Variants in SLC39A13 observed in about 807,000 individuals in gnomAD.
The protein encoded by SLC39A13 is solute carrier family 39 member 13, also known as zinc transporter ZIP13.
Under a neutral mutation model 38.7 loss-of-function variants are expected in SLC39A13, and 18 were observed. The observed-to-expected ratio is 0.47, with a 90% CI of 0.32 to 0.69. SLC39A13 has a LOEUF of 0.69. Ranked by LOEUF, SLC39A13 falls within the 30% of genes least tolerant of loss-of-function variation. The pLI, the probability that SLC39A13 is intolerant of heterozygous loss-of-function variation, is 0.03. For synonymous variants in SLC39A13, 212 were observed against 219.1 expected (o/e 0.97, Z 0.29); for missense variants, 395 against 490.7 (o/e 0.80, Z 1.84).
upstream of SLC39A13, among the ~76,000 whole-genome samples, chr11:47,408,361 C>A (rs1037093325): frequency 6.6e-6 from 1 of 152,094 alleles, no homozygotes; most frequent in Non-Finnish European, 1.5e-5. Context: ...GCGTGTGGCT[C>A]TCTCACTTCC....
intron 1 of SLC39A13, 131 bp from the exon 2 acceptor site, chr11:47,409,956 A>T: frequency 9.4e-7 from 1 of 1,064,128 alleles, no homozygotes; most frequent in Non-Finnish European, 1.4e-6. Flanking sequence ...TTGGATGCTC[A>T]GACGCTCTGG....
chr11:47,411,067 C>T (rs2095996698), intron 2 of SLC39A13, among the ~76,000 whole-genome samples: 1 of 152,166 alleles, frequency 6.6e-6, no homozygotes, highest in Non-Finnish European at 1.5e-5. Flanking sequence ...GTTCTTTGAC[C>T]AGTCCAAGGT....
upstream of SLC39A13, among the ~76,000 whole-genome samples, chr11:47,408,212 G>A (rs2095979019): frequency 6.6e-6 from 1 of 152,230 alleles, no homozygotes; most frequent in Admixed American, 6.5e-5. Flanking sequence ...TGGCGGCCGG[G>A]CGCGCCCCCG....
At position 47,415,824 on chromosome 11, in the gene SLC39A13, T is replaced by TG. The variant is rs747942670; in HGVS notation, c.*465dup. 2.5e-4 allele frequency: 62 copies of TG among 252,514 alleles called. No homozygotes were observed. The highest frequency in any genetic ancestry group is 3.8e-4 in the Non-Finnish European group (48 of 127,322). The allele number at this position is 252,514 out of a possible 1,614,324, so 15.6% of individuals were successfully genotyped here. A position where few individuals can be genotyped will look rare whatever the true frequency, so the allele number is the denominator to read the frequency against. On this transcript the variant is annotated 3_prime_UTR_variant, in exon 10 of 10. Transcript: ENST00000362021. ...CCCCAGGCGGCCTAGGGGCCAAGGC[T>TG]GGGGCGGCTTTGGTCCCTTTTCCTG...
At position 47,415,381 on chromosome 11, in the gene SLC39A13, GCCCCTGC is replaced by G; in HGVS notation, c.*26_*32del. 6.2e-7 allele frequency: 1 copy of G among 1,613,284 alleles called. No individual in the cohort carries two copies. On this transcript the variant is annotated 3_prime_UTR_variant, in exon 10 of 10. Transcript: ENST00000362021. ...TGGATTAACTTTCCCTGATGCCGACGCCCCTGCCCCCTGCAGCAATAAGATGCTCGGA... is the reference window on the plus strand; with the variant it reads ...TGGATTAACTTTCCCTGATGCCGACGCCCCTGCAGCAATAAGATGCTCGGA...
intron 6 of SLC39A13, 82 bp downstream of exon 6, chr11:47,413,768 C>T: frequency 6.8e-7 from 1 of 1,467,866 alleles, no homozygotes; most frequent in African/African-American, 1.4e-5. Context: ...GTCTCTGCTT[C>T]TTGCCCCTCC....
In SLC39A13 at chr11:47,414,494, G is replaced by GC; in HGVS notation, c.786+24dup. The GC allele has an allele frequency of 6.2e-7, 1 of 1,610,176 alleles. No homozygotes were observed. Reference sequence around the variant, plus strand: ...CCATGAGGTGAGCGCTTGTAGGGCAGCCCCCAGGGGCCCAGGCCCCCACAG... The same window carrying GC: ...CCATGAGGTGAGCGCTTGTAGGGCAGCCCCCCAGGGGCCCAGGCCCCCACAG... On this transcript the variant is annotated intron_variant, in intron 7 of 9. Coordinates refer to ENST00000362021, the MANE Select transcript of SLC39A13 (RefSeq NM_001128225.3).
rs765224255 is a variant in SLC39A13, at chr11:47,415,501, G to A, written c.*138G>A. ...CTCCCGCCAGACAGGAGGGAGGTGC[G>A]TGTGGATGTATGTGGTGTGCACATG... On this transcript the variant is annotated 3_prime_UTR_variant, in exon 10 of 10. Transcript: ENST00000362021. 1.5e-4 allele frequency: 143 copies of A among 948,392 alleles called. 1 individual carries two copies. Among genetic ancestry groups the A allele is most frequent in the Non-Finnish European group, 2.1e-4 (124 of 601,208 alleles). 58.7% of individuals were successfully genotyped at this position (948,392 alleles called of 1,614,324 possible).
chr11:47,415,387 GC>G lies in SLC39A13; in HGVS notation c.*29del, dbSNP rs1565669527. On this transcript the variant is annotated 3_prime_UTR_variant, in exon 10 of 10. Coordinates refer to ENST00000362021, the MANE Select transcript of SLC39A13 (RefSeq NM_001128225.3). ...AACTTTCCCTGATGCCGACGCCCCTGCCCCCTGCAGCAATAAGATGCTCGGA... is the reference window on the plus strand; with the variant it reads ...AACTTTCCCTGATGCCGACGCCCCTGCCCCTGCAGCAATAAGATGCTCGGA... 6.2e-7 allele frequency: 1 copy of G among 1,612,244 alleles called. No homozygotes were observed. The highest frequency in any genetic ancestry group is 8.5e-7 in the Non-Finnish European group (1 of 1,178,802).
chr11:47,410,714 G>A (rs2095994762), intron 2 of SLC39A13, among the ~76,000 whole-genome samples: 1 of 152,134 alleles, frequency 6.6e-6, no homozygotes, highest in Admixed American at 6.5e-5. Flanking sequence ...ATAACATGTT[G>A]TAACAAAACA....
chr11:47,414,083 G>A lies in SLC39A13; in HGVS notation c.736-342G>A, dbSNP rs546207722. On this transcript the variant is annotated intron_variant, in intron 6 of 9. Transcript: ENST00000362021. ...CCCGCCCACGCTTCGAGCGGCTGAC[G>A]ACTCATCCTTGGGGCCTCGACTTAC... The A allele has an allele frequency of 2.5e-4, 154 of 611,070 alleles. 1 individual carries two copies. Among genetic ancestry groups the A allele is most frequent in the South Asian group, 1.8e-3 (90 of 51,150 alleles). 37.9% of individuals were successfully genotyped at this position (611,070 alleles called of 1,614,324 possible). A position where few individuals can be genotyped will look rare whatever the true frequency, so the allele number is the denominator to read the frequency against.
At chr11:47,413,898 T>C (rs1385272657) in intron 6 of SLC39A13, 3 of 720,052 alleles carry the variant, frequency 4.2e-6, no homozygotes, top group Non-Finnish European at 5.0e-6. Context: ...CCTTGTTGGG[T>C]GCCTCTGTCA....
chr11:47,415,213 CA>C, intron 9 of SLC39A13, 54 bp downstream of exon 9: 4 of 1,613,052 alleles, frequency 2.5e-6, no homozygotes, highest in Non-Finnish European at 3.4e-6. Context: ...CTTAGGGGCT[CA>C]GGAGGGAAGG....
intron 7 of SLC39A13, 84 bp from the exon 8 acceptor site, chr11:47,414,693 G>A (rs2096016891): frequency 6.3e-7 from 1 of 1,589,994 alleles, no homozygotes; most frequent in South Asian, 1.1e-5. Context: ...GAAGGGCAGG[G>A]GGCTCAGTGT....
At chr11:47,413,347 T>G in intron 4 of SLC39A13, 53 bp from the exon 5 acceptor site, 3 of 1,564,614 alleles carry the variant, frequency 1.9e-6, no homozygotes, top group Non-Finnish European at 2.6e-6. Context: ...CTGTCTGCCC[T>G]GGCTGAGTGG....
At position 47,415,354 on chromosome 11, in the gene SLC39A13, C is replaced by A; in HGVS notation, c.1107C>A (p.Phe369Leu). The change falls in exon 10 of 10, where the codon TTC becomes TTA. Residue 369 changes from phenylalanine to leucine, a missense_variant. Transcript: ENST00000362021. ...GIVVMVLFSL[F>L]VD ...TGGTAATGGTGCTGTTCTCGCTCTT[C>A]GTGGATTAACTTTCCCTGATGCCGA... is the stretch of plus-strand genomic sequence containing the variant. 1.2e-6 allele frequency: 2 copies of A among 1,614,060 alleles called. No homozygotes were observed. Among genetic ancestry groups the A allele is most frequent in the Non-Finnish European group, 8.5e-7 (1 of 1,180,014 alleles).
chr11:47,414,863 A>T lies in SLC39A13; in HGVS notation c.873A>T (p.Leu291=). ...AACTCTCAACAGCGCTGGGGGGCCT[A>T]CTGGGCGCTGGCTTCGCCATCTGTA... is the stretch of plus-strand genomic sequence containing the variant. The part of the protein sequence containing the change: ...KLQLSTALGG[L]LGAGFAICTQ... Residue 291 remains leucine, a synonymous_variant, in exon 8 of 10, where the codon CTA becomes CTT. Transcript: ENST00000362021. 2 of 1,612,658 alleles carry T rather than the reference A, an allele frequency of 1.2e-6. No homozygotes were observed.
At position 47,415,577 on chromosome 11, in the gene SLC39A13, CG is replaced by C; in HGVS notation, c.*218del. On this transcript the variant is annotated 3_prime_UTR_variant, in exon 10 of 10. Transcript: ENST00000362021. ...GACACTGTGATCCCTGTGCTGGGTC[CG>C]GGGCCCAGTGTAGCGCCTGTCCCCA... The C allele has an allele frequency of 1.5e-6, 1 of 660,648 alleles. No individual in the cohort carries two copies. The highest frequency in any genetic ancestry group is 2.7e-6 in the Non-Finnish European group (1 of 365,980). 40.9% of individuals were successfully genotyped at this position (660,648 alleles called of 1,614,324 possible). A position where few individuals can be genotyped will look rare whatever the true frequency, so the allele number is the denominator to read the frequency against.
Position 47,415,290 on chromosome 11 carries a change from G to A in SLC39A13, c.1043G>A (p.Arg348His), listed in dbSNP as rs770908923. 8.9e-5 allele frequency: 144 copies of A among 1,613,868 alleles called. 1 individual carries two copies. The highest frequency in any genetic ancestry group is 3.8e-4 in the East Asian group (17 of 44,880). Residue 348 changes from arginine (R) to histidine (H), a missense_variant and splice_region_variant, in exon 10 of 10, where the codon CGC becomes CAC. By Grantham distance (29) the Arg-to-His change is conservative. Transcript: ENST00000362021. The stretch of plus-strand genomic sequence containing the variant: ...CGTGAGCCGTTCCCTCCCCACAGGC[G>A]CTCCCTGCAGCAGCTGCTTCTGCTC... ...PDLLEEEDPW[R>H]SLQQLLLLCA...
Sources: gnomAD v4.1 joint callset for allele counts (sites outside exome capture counted in the v4.1 genomes callset) on GRCh38, gnomAD v4.1.1 for gene constraint, MANE v1.5 for transcripts, NCBI Gene and HGNC (gene_info 2026-07-23, HGNC 2026-07-21) for gene names.